NCOA3: variants seen among roughly 807,000 people sequenced by gnomAD.
NCOA3 encodes CBP-interacting protein.
Under a neutral mutation model 158.8 loss-of-function variants are expected in NCOA3, and 51 were observed. The observed-to-expected ratio is 0.32, with a 90% confidence interval of 0.26 to 0.41. NCOA3 has a LOEUF of 0.41. Among genes scored for constraint, NCOA3 ranks in the 10% least tolerant of loss-of-function variants. The pLI is 1.00. For synonymous variants in NCOA3, 537 were observed against 592.4 expected (o/e 0.91, Z 1.36); for missense variants, 1,510 against 1,746.6 (o/e 0.86, Z 2.41).
At position 47,653,089 on chromosome 20, in the gene NCOA3, T is replaced by C; in HGVS notation, c.4263+17T>C. 1 of 1,612,908 alleles carries C rather than the reference T, an allele frequency of 6.2e-7. No individual in the cohort carries two copies. The highest frequency in any genetic ancestry group is 1.1e-5 in the South Asian group (1 of 91,020). ...CCTGATCAGGTATGGGATCGATTCC[T>C]TACCTTTTTCAAAAAGTTTTTCTTG... On this transcript the variant is annotated intron_variant, in intron 22 of 22. Transcript: ENST00000371998.
At position 47,641,184 on chromosome 20, in the gene NCOA3, G is replaced by C. The variant is rs6018611; in HGVS notation, c.3081-1029G>C. Among the ~76,000 whole-genome samples, 81 of 152,160 alleles carry C rather than the reference G, an allele frequency of 5.3e-4. No individual in the cohort carries two copies. The South Asian group carries it at 0.017, about 32-fold the overall frequency. ...GATAAATGTTTAACTTCATGCCCTT[G>C]TATGTGTTGGAGAACTGAGGCAACT... On this transcript the variant is annotated intron_variant, in intron 16 of 22. Transcript: ENST00000371998.
intron 1 of NCOA3, among the ~76,000 whole-genome samples, chr20:47,515,248 C>T (rs895010365): frequency 3.2e-4 from 48 of 151,570 alleles, no homozygotes; most frequent in Middle Eastern, 3.2e-3. Flanking sequence ...CCACAACCTC[C>T]GCCTCCTGAG....
rs1306626730 is a variant in NCOA3, at chr20:47,522,226, C to T, written c.-99+20207C>T. Among the ~76,000 whole-genome samples, 5 of 151,052 alleles carry T rather than the reference C, an allele frequency of 3.3e-5. No individual in the cohort carries two copies. In the East Asian group the frequency reaches 5.8e-4, roughly 18 times the overall value. On this transcript the variant is annotated intron_variant, in intron 1 of 22. Transcript: ENST00000371998. ...CACGCCATTCTCCTGCCTCAGCCTC[C>T]GGAGTAGCCGGGACTACAGGTGCCC...
intron 16 of NCOA3, among the ~76,000 whole-genome samples, chr20:47,640,534 T>C (rs1368465721): frequency 1.3e-5 from 2 of 152,212 alleles, no homozygotes; most frequent in Non-Finnish European, 2.9e-5. Flanking sequence ...ATTTTAAACA[T>C]TTCAGTGATG....
chr20:47,640,617 A>T (rs2086588226), intron 16 of NCOA3, among the ~76,000 whole-genome samples: 1 of 151,760 alleles, frequency 6.6e-6, no homozygotes, highest in African/African-American at 2.4e-5. Context: ...GTGGTGGCTC[A>T]CGCCTGTAAT....
intron 1 of NCOA3, among the ~76,000 whole-genome samples, chr20:47,509,748 T>G (rs965712972): frequency 6.6e-6 from 1 of 152,120 alleles, no homozygotes. Context: ...CCATCTCTAT[T>G]AAAAAAATTT....
intron 1 of NCOA3, among the ~76,000 whole-genome samples, chr20:47,526,182 T>C (rs1380669095): frequency 6.7e-6 from 1 of 149,352 alleles, no homozygotes; most frequent in African/African-American, 2.5e-5. Flanking sequence ...GCAGAGACGC[T>C]CCTCACTTCC....
chr20:47,639,858 A>C, intron 15 of NCOA3, 36 bp downstream of exon 15: 1 of 1,612,336 alleles, frequency 6.2e-7, no homozygotes, highest in Non-Finnish European at 8.5e-7. Context: ...TGAAAAAAGA[A>C]AGTTAGATGT....
intron 2 of NCOA3, among the ~76,000 whole-genome samples, chr20:47,607,455 T>TC (rs1271484502): frequency 1.3e-5 from 2 of 152,178 alleles, no homozygotes; most frequent in Non-Finnish European, 2.9e-5. Context: ...TGGTCACCTC[T>TC]CCATAACTAT....
rs367709226 is a variant in NCOA3 at position 47,639,754 on chromosome 20, C to T, written c.2885C>T (p.Pro962Leu). The T allele has an allele frequency of 1.9e-6, 3 of 1,614,190 alleles. No individual in the cohort carries two copies. The highest frequency in any genetic ancestry group is 2.5e-6 in the Non-Finnish European group (3 of 1,180,034). Residue 962 changes from proline to leucine, a missense_variant, in exon 15 of 23, where the codon CCT (proline) becomes CTT (leucine). Around this residue, in one of 4 missense-constraint regions of NCOA3, gnomAD observed 1,017 missense variants for 1,098.3 expected, o/e 0.93. Coordinates refer to ENST00000371998, the MANE Select transcript of NCOA3 (RefSeq NM_181659.3). ...PALGGSIPTLPLRSNSIPGAR... is the reference protein window; with the variant it reads ...PALGGSIPTLLLRSNSIPGAR... ...CTGGGTGGCTCTATTCCCACATTGC[C>T]TCTTCGGTCTAATAGCATACCAGGT...
At chr20:47,542,563 G>C (rs2084761800) in intron 1 of NCOA3, among the ~76,000 whole-genome samples, 1 of 152,154 alleles carries the variant, frequency 6.6e-6, no homozygotes, top group Admixed American at 6.5e-5. Context: ...ATTGGTCCCA[G>C]CACCTCAGGA....
At position 47,653,359 on chromosome 20, in the gene NCOA3, G is replaced by A. The variant is rs753186217; in HGVS notation, c.4264-47G>A. ...TATTTTTTTGTTGTGCAAAGCATGT[G>A]TTTTACTCATTTTTTTTTTTTTTTT... On this transcript the variant is annotated intron_variant, in intron 22 of 22. Transcript: ENST00000371998. The A allele has an allele frequency of 1.0e-5, 15 of 1,502,270 alleles. 1 individual carries two copies. In the South Asian group the frequency reaches 1.5e-4, roughly 15 times the overall value. 93.1% of individuals were successfully genotyped at this position (1,502,270 alleles called of 1,614,324 possible). A position where few individuals can be genotyped will look rare whatever the true frequency, so the allele number is the denominator to read the frequency against.
At chr20:47,557,494 G>T (rs1003928357) in intron 1 of NCOA3, among the ~76,000 whole-genome samples, 2 of 152,286 alleles carry the variant, frequency 1.3e-5, no homozygotes, top group South Asian at 4.1e-4. Flanking sequence ...GGTTTAAACC[G>T]CCACCTGTCT....
chr20:47,623,822 G>GTGT (rs1466616049), intron 3 of NCOA3, 89 bp from the exon 4 acceptor site: 5 of 1,198,174 alleles, frequency 4.2e-6, no homozygotes, highest in Non-Finnish European at 4.7e-6. Context: ...TCATGTAATA[G>GTGT]TGTTGTATAG....
chr20:47,558,402 G>A (rs371249556), intron 1 of NCOA3, among the ~76,000 whole-genome samples: 1 of 151,692 alleles, frequency 6.6e-6, no homozygotes, highest in Non-Finnish European at 1.5e-5. Flanking sequence ...TTACAAGGGC[G>A]CCAGTCATAT....
At chr20:47,558,232 ATTTTTTTTTTTTT>A (rs71183263) in intron 1 of NCOA3, among the ~76,000 whole-genome samples, 10 of 55,526 alleles carry the variant, frequency 1.8e-4, no homozygotes, top group Admixed American at 2.6e-4. Context: ...CTAATTTTGT[ATTTTTTTTTTTTT>A]TTTTTTTTTT....
chr20:47,610,379 C>A (rs2086023729), intron 2 of NCOA3, among the ~76,000 whole-genome samples: 1 of 151,986 alleles, frequency 6.6e-6, no homozygotes, highest in Admixed American at 6.6e-5. Flanking sequence ...GCTGCCATGC[C>A]CAGCTAATTT....
chr20:47,575,931 A>G (rs751835748), intron 1 of NCOA3, among the ~76,000 whole-genome samples: 6 of 152,232 alleles, frequency 3.9e-5, no homozygotes, highest in Non-Finnish European at 7.3e-5. Context: ...AGGTGTATGT[A>G]GTAGAGGTTT....
chr20:47,506,770 T>A (rs1270276032), intron 1 of NCOA3, among the ~76,000 whole-genome samples: 1 of 5,558 alleles, frequency 1.8e-4, no homozygotes, highest in Non-Finnish European at 1.0e-3. Flanking sequence ...ATCTGTGTCT[T>A]TTTTTTTAAA....
Sources: gnomAD v4.1 joint callset for allele counts (sites outside exome capture counted in the v4.1 genomes callset) on GRCh38, gnomAD v4.1.1 for gene constraint, gnomAD v4.1.1 regional missense constraint, MANE v1.5 for transcripts, NCBI Gene and HGNC (gene_info 2026-07-23, HGNC 2026-07-21) for gene names.